The following FBLN1 variants were observed in gnomAD, a reference collection of about 807,000 sequenced individuals.
The protein encoded by FBLN1 is fibulin 1.
FBLN1 carries 34 observed loss-of-function variants against 89.7 expected under a neutral mutation model. That is an observed-to-expected ratio of 0.38 (90% CI 0.29 to 0.50). The LOEUF (loss-of-function observed/expected upper bound fraction) is 0.50, where lower values mean the gene tolerates loss of function less well. Ranked by LOEUF, FBLN1 falls within the 20% of genes least tolerant of loss-of-function variation. FBLN1 has a pLI of 0.92. For missense variants in FBLN1, 777 were observed against 988.1 expected (o/e 0.79, Z 2.86); for synonymous variants, 393 against 391.3 (o/e 1.00, Z -0.05).
Position 45,575,188 on chromosome 22 carries a change from G to C in FBLN1, c.1840+535G>C, listed in dbSNP as rs183396365. On this transcript the variant is annotated intron_variant, in intron 15 of 16. Transcript: ENST00000327858. This position sits in a 1 kb window ranked among gnomAD's most constrained non-coding sequence, Gnocchi z 6.3. ...TCCGTTCAGGTGGTCTTTTCTTATG[G>C]GTAACGGTTGTTCTGCAGAGAGCCA... is the stretch of plus-strand genomic sequence containing the variant. 1.6e-4 allele frequency among the ~76,000 whole-genome samples: 25 copies of C among 152,214 alleles called. No individual in the cohort carries two copies. In the East Asian group the frequency reaches 4.6e-3, roughly 28 times the overall value.
In FBLN1 at chr22:45,597,112, G is replaced by C. The variant is rs2089194223; in HGVS notation, c.1973-3195G>C. Among the ~76,000 whole-genome samples the C allele has an allele frequency of 6.9e-6, 1 of 144,486 alleles. No individual in the cohort carries two copies. The highest frequency in any genetic ancestry group is 1.5e-5 in the Non-Finnish European group (1 of 65,088). 94.8% of individuals were successfully genotyped at this position (144,486 alleles called of 152,430 possible). ...GACCTTCCCGGGCTCAAACAATTCT[G>C]CCACCTCAGCCTCCTGAGTAGCTGG... On this transcript the variant is annotated intron_variant, in intron 16 of 16. Transcript: ENST00000327858. The surrounding 1 kb of genome is among the most constrained non-coding windows in gnomAD (Gnocchi z 4.2).
Position 45,550,830 on chromosome 22 carries a change from G to T in FBLN1, c.1697+215G>T. 3 of 654,772 alleles carry T rather than the reference G, an allele frequency of 4.6e-6. No homozygotes were observed. The highest frequency in any genetic ancestry group is 8.1e-6 in the Non-Finnish European group (3 of 369,690). The allele number at this position is 654,772 out of a possible 1,614,324, so 40.6% of individuals were successfully genotyped here. Reference sequence around the variant, plus strand: ...GGGGGTAACTGCAAATGAGTCTGGGGTCTATAGTCATGTTTTCAGGCCAAG... The same window carrying T: ...GGGGGTAACTGCAAATGAGTCTGGGTTCTATAGTCATGTTTTCAGGCCAAG... On this transcript the variant is annotated intron_variant, in intron 14 of 16. Coordinates refer to ENST00000327858, the MANE Select transcript of FBLN1 (RefSeq NM_006486.3). This position sits in a 1 kb window ranked among gnomAD's most constrained non-coding sequence, Gnocchi z 8.4.
Position 45,556,634 on chromosome 22 carries a change from A to G in FBLN1, c.1697+6019A>G, listed in dbSNP as rs2088791785. On this transcript the variant is annotated intron_variant, in intron 14 of 16. Transcript: ENST00000327858. The surrounding 1 kb of genome is among the most constrained non-coding windows in gnomAD (Gnocchi z 4.6). ...ATACTCTAACTTATCTTCATTTTGGAGTAGTAGACTGATTTCATCTTGATA... is the reference window on the plus strand; with the variant it reads ...ATACTCTAACTTATCTTCATTTTGGGGTAGTAGACTGATTTCATCTTGATA... Among the ~76,000 whole-genome samples the G allele has an allele frequency of 6.6e-6, 1 of 152,060 alleles. No homozygotes were observed. The highest frequency in any genetic ancestry group is 1.5e-5 in the Non-Finnish European group (1 of 68,024).
rs117130925 is a variant in FBLN1 at position 45,587,816 on chromosome 22, A to G, written c.1972+10708A>G. ...TTCTCCTTTTGGTGAACTCCTATTC[A>G]TCCCTCCAAGCCGATGTCAGCTGTC... On this transcript the variant is annotated intron_variant, in intron 16 of 16. Transcript: ENST00000327858. 1.7e-3 allele frequency among the ~76,000 whole-genome samples: 264 copies of G among 151,864 alleles called. 9 individuals are homozygous for G. The highest frequency in any genetic ancestry group is 0.016 in the East Asian group (85 of 5,158).
At chr22:45,506,847 C>T (rs767829831) in intron 1 of FBLN1, among the ~76,000 whole-genome samples, 2 of 152,206 alleles carry the variant, frequency 1.3e-5, no homozygotes, top group Non-Finnish European at 2.9e-5. Context: ...TGGTCAGGGC[C>T]GCCTTCCAGG....
At chr22:45,548,236 A>G (rs1053393440) in intron 12 of FBLN1, among the ~76,000 whole-genome samples, 9 of 151,998 alleles carry the variant, frequency 5.9e-5, no homozygotes, top group Non-Finnish European at 1.0e-4. Flanking sequence ...TTTTTTGTAG[A>G]CACAGGGTCT....
chr22:45,597,720 A>G lies in FBLN1; in HGVS notation c.1973-2587A>G, dbSNP rs566395770. Reference sequence around the variant, plus strand: ...CGTTCATGGGCTTTCAAGCAGGACAAAGCTTCAATGTCATCACCAGGTAGC... The same window carrying G: ...CGTTCATGGGCTTTCAAGCAGGACAGAGCTTCAATGTCATCACCAGGTAGC... On this transcript the variant is annotated intron_variant, in intron 16 of 16. Coordinates refer to ENST00000327858, the MANE Select transcript of FBLN1 (RefSeq NM_006486.3). This position sits in a 1 kb window ranked among gnomAD's most constrained non-coding sequence, Gnocchi z 4.2. 3.3e-5 allele frequency among the ~76,000 whole-genome samples: 5 copies of G among 152,272 alleles called. No homozygotes were observed. The highest frequency in any genetic ancestry group is 1.2e-4 in the African/African-American group (5 of 41,550).
Position 45,561,163 on chromosome 22 carries a change from C to T in FBLN1, c.1697+10548C>T, listed in dbSNP as rs1404050575. 6.6e-6 allele frequency among the ~76,000 whole-genome samples: 1 copy of T among 151,560 alleles called. No homozygotes were observed. Among genetic ancestry groups the T allele is most frequent in the South Asian group, 2.1e-4 (1 of 4,814 alleles). ...ATGCCCTCACTTTAACAGCAGACAC[C>T]TGGCGAGGCTGTGCATGCATCTTTC... On this transcript the variant is annotated intron_variant, in intron 14 of 16. Coordinates refer to ENST00000327858, the MANE Select transcript of FBLN1 (RefSeq NM_006486.3). This position sits in a 1 kb window ranked among gnomAD's most constrained non-coding sequence, Gnocchi z 4.7.
rs1224445539 is a variant in FBLN1, at chr22:45,541,359, A to G, written c.1053A>G (p.Gly351=). 2 of 1,614,116 alleles carry G rather than the reference A, an allele frequency of 1.2e-6. No homozygotes were observed. Among genetic ancestry groups the G allele is most frequent in the African/African-American group, 2.7e-5 (2 of 74,940 alleles). ...GTGGCTACCATCTCAACGAGGAGGG[A>G]ACGCGCTGTGTTGGTTGGTATTAAG... is the stretch of plus-strand genomic sequence containing the variant. The part of the protein sequence containing the change: ...CGRGYHLNEE[G]TRCVDVDECA... Residue 351 remains glycine, a synonymous_variant, in exon 9 of 17, where the codon GGA becomes GGG. Coordinates refer to ENST00000327858, the MANE Select transcript of FBLN1 (RefSeq NM_006486.3).
rs563265173 is a variant in FBLN1 at position 45,556,568 on chromosome 22, A to G, written c.1697+5953A>G. Among the ~76,000 whole-genome samples the G allele has an allele frequency of 8.6e-4, 131 of 152,120 alleles. 1 individual carries two copies. The highest frequency in any genetic ancestry group is 2.8e-3 in the African/African-American group (117 of 41,480). ...ATTGACCTTAATCACAGGGCATGGT[A>G]ATACTGAGAGATGCCCTAATGGATC... On this transcript the variant is annotated intron_variant, in intron 14 of 16. Coordinates refer to ENST00000327858, the MANE Select transcript of FBLN1 (RefSeq NM_006486.3). The surrounding 1 kb of genome is among the most constrained non-coding windows in gnomAD (Gnocchi z 4.6).
chr22:45,546,179 C>CAA (rs34103756), intron 11 of FBLN1, among the ~76,000 whole-genome samples: 101,430 of 147,922 alleles, frequency 0.69, 34,892 homozygotes, highest in East Asian at 0.83. Context: ...GACTTTGTCT[C>CAA]AAAAAAAAAA....
At chr22:45,524,833 C>G (rs2146958434) in intron 2 of FBLN1, among the ~76,000 whole-genome samples, 1 of 152,156 alleles carries the variant, frequency 6.6e-6, no homozygotes, top group Admixed American at 6.5e-5. Flanking sequence ...GCCTGTAATC[C>G]CAGCACTTCG....
At chr22:45,567,422 C>A (rs1464376894) in intron 14 of FBLN1, among the ~76,000 whole-genome samples, 1 of 152,178 alleles carries the variant, frequency 6.6e-6, no homozygotes, top group Non-Finnish European at 1.5e-5. Flanking sequence ...TCAAGACCAG[C>A]CTGGCCAACA....
chr22:45,538,905 G>A (rs1335192282), intron 8 of FBLN1, among the ~76,000 whole-genome samples: 3 of 152,196 alleles, frequency 2.0e-5, no homozygotes, highest in Non-Finnish European at 1.5e-5. Context: ...GGATGGGTCA[G>A]GGTCCCAGAA....
intron 11 of FBLN1, among the ~76,000 whole-genome samples, 157 bp from the exon 12 acceptor site, chr22:45,546,928 G>T (rs114701528): frequency 6.6e-6 from 1 of 152,156 alleles, no homozygotes; most frequent in Non-Finnish European, 1.5e-5. Context: ...CAGCGATGAC[G>T]CCTCTCCCTC....
chr22:45,503,720 T>G (rs5765432), intron 1 of FBLN1, among the ~76,000 whole-genome samples: 1 of 152,104 alleles, frequency 6.6e-6, no homozygotes, highest in Non-Finnish European at 1.5e-5. Context: ...CCCAAGGCAG[T>G]GGTTCTGCCG....
At chr22:45,599,109 G>T (rs1483537990) in intron 16 of FBLN1, among the ~76,000 whole-genome samples, 11 of 152,198 alleles carry the variant, frequency 7.2e-5, no homozygotes, top group Non-Finnish European at 1.6e-4. Context: ...CCTGGAATCT[G>T]CAGAATGCCT....
rs564158953 is a variant in FBLN1, at chr22:45,528,227, G to A, written c.484+218G>A. Among the ~76,000 whole-genome samples, 6 of 152,316 alleles carry A rather than the reference G, an allele frequency of 3.9e-5. No individual in the cohort carries two copies. The East Asian group carries it at 7.7e-4, about 20-fold the overall frequency. On this transcript the variant is annotated intron_variant, in intron 4 of 16. Coordinates refer to ENST00000327858, the MANE Select transcript of FBLN1 (RefSeq NM_006486.3). ...AAAGGCAGTGTGCTGGCAGAACGCCGCCTTTCCCGGGGAGGCCAGTCTTTT... is the reference window on the plus strand; with the variant it reads ...AAAGGCAGTGTGCTGGCAGAACGCCACCTTTCCCGGGGAGGCCAGTCTTTT...
chr22:45,564,690 A>G (rs2088886235), intron 14 of FBLN1, among the ~76,000 whole-genome samples: 1 of 152,074 alleles, frequency 6.6e-6, no homozygotes, highest in Admixed American at 6.5e-5. Flanking sequence ...TGTCTTCCGC[A>G]CCTTCCAGAA....
Sources: gnomAD v4.1 joint callset for allele counts (sites outside exome capture counted in the v4.1 genomes callset) on GRCh38, gnomAD v4.1.1 for gene constraint, Gnocchi (gnomAD v3.1) non-coding constraint, MANE v1.5 for transcripts, NCBI Gene and HGNC (gene_info 2026-07-23, HGNC 2026-07-21) for gene names.